The following MIAT variants were observed in gnomAD, a reference collection of about 807,000 sequenced individuals.
MIAT encodes the protein MI related novel mRNA.
In MIAT at chr22:26,654,596, G is replaced by A. The variant is rs957332205; in HGVS notation, n.646+7285G>A. 2.6e-5 allele frequency among the ~76,000 whole-genome samples: 4 copies of A among 152,302 alleles called. No individual in the cohort carries two copies. The East Asian group carries it at 7.7e-4, about 29-fold the overall frequency. On this transcript the variant is annotated intron_variant and non_coding_transcript_variant, in intron 2 of 5. Transcript: ENST00000643270. The stretch of plus-strand genomic sequence containing the variant: ...GACCTGTGTGATGACAAAAGCTCAG[G>A]CAGGAGGATCCCTTGAACCTAAGAG...
rs1249204451 is a variant in MIAT at position 26,652,129 on chromosome 22, G to A, written n.646+4818G>A. On this transcript the variant is annotated intron_variant and non_coding_transcript_variant, in intron 2 of 5. Coordinates refer to ENST00000643270, the Ensembl canonical transcript of MIAT. ...TTTGCTCAGCCGTCCACGTAGCTGG[G>A]ACCACAGGCACACACTACCATGCCT... Among the ~76,000 whole-genome samples, 7 of 152,276 alleles carry A rather than the reference G, an allele frequency of 4.6e-5. No homozygotes were observed. The East Asian group carries it at 1.4e-3, about 29-fold the overall frequency.
At chr22:26,673,100 C>G (rs1260028087), downstream of MIAT, 3 of 398,558 alleles carry the variant, frequency 7.5e-6, no homozygotes, top group East Asian at 3.6e-5. Context: ...GGGGAAGCAG[C>G]TTTACCCCGG....
rs996550911 is a variant in MIAT at position 26,676,081 on chromosome 22, A to G, written n.9749A>G. The G allele has an allele frequency of 8.5e-5, 34 of 398,426 alleles. No individual in the cohort carries two copies. In the Admixed American group the frequency reaches 1.5e-3, roughly 18 times the overall value. The allele number at this position is 398,426 out of a possible 1,614,324, so 24.7% of individuals were successfully genotyped here. ...TATGAGCAGGATCTTAGAGCTGAGG[A>G]ATTGGCCTCCCAATCCGAACAGGTG... On this transcript the variant is annotated non_coding_transcript_exon_variant, in exon 5 of 5. Coordinates refer to the MIAT transcript ENST00000613780.
downstream of MIAT, chr22:26,673,167 C>G: frequency 2.5e-6 from 1 of 398,664 alleles, no homozygotes; most frequent in Non-Finnish European, 4.4e-6. Flanking sequence ...CAGGGGCTCA[C>G]AGGGTTCCCG....
chr22:26,672,507 C>G (rs1438401893), downstream of MIAT: 1 of 399,336 alleles, frequency 2.5e-6, no homozygotes. Flanking sequence ...TAGGTGGGAC[C>G]AGGGAAATCT....
At chr22:26,661,901 T>C (rs948049482) in intron 2 of MIAT, among the ~76,000 whole-genome samples, 1 of 143,020 alleles carries the variant, frequency 7.0e-6, no homozygotes, top group South Asian at 2.2e-4. Context: ...CATATATATA[T>C]GGATCTATAT....
downstream of MIAT, chr22:26,673,456 C>T: frequency 2.5e-6 from 1 of 398,938 alleles, no homozygotes; most frequent in Non-Finnish European, 4.4e-6. Flanking sequence ...GGGTTCCAGG[C>T]TCCTGGCCTG....
downstream of MIAT, chr22:26,672,630 G>A (rs1892398236): frequency 1.5e-5 from 6 of 399,164 alleles, no homozygotes; most frequent in African/African-American, 2.1e-5. Context: ...TTAAGTGACG[G>A]GGATAGAAGC....
intron 2 of MIAT, among the ~76,000 whole-genome samples, chr22:26,661,193 T>G (rs1930650064): frequency 6.6e-6 from 1 of 152,198 alleles, no homozygotes. Flanking sequence ...GAATAACTTG[T>G]AGGCCAGTCT....
intron 2 of MIAT, among the ~76,000 whole-genome samples, chr22:26,653,422 C>T (rs1930372944): frequency 6.6e-6 from 1 of 152,172 alleles, no homozygotes; most frequent in African/African-American, 2.4e-5. Flanking sequence ...CACCTCCCCA[C>T]TGCTTGCCTT....
chr22:26,650,351 TTTG>T (rs1431384794), intron 2 of MIAT: 1 of 152,214 alleles, frequency 6.6e-6, no homozygotes, highest in Non-Finnish European at 1.5e-5. Flanking sequence ...CCTTAAGTTG[TTTG>T]TTAAGACACC....
downstream of MIAT, chr22:26,672,236 C>T: frequency 5.0e-6 from 2 of 399,170 alleles, no homozygotes; most frequent in Non-Finnish European, 8.8e-6. Context: ...CCCAGCCCTG[C>T]CGAGCTCTGG....
At chr22:26,674,537 G>T (rs138519775), downstream of MIAT, 269 of 398,826 alleles carry the variant, frequency 6.7e-4, 2 homozygotes, top group East Asian at 9.3e-3. Context: ...GTCTGGTGCT[G>T]AGAGCCCTTT....
intron 2 of MIAT, among the ~76,000 whole-genome samples, chr22:26,655,752 G>C (rs555440622): frequency 7.2e-5 from 11 of 152,180 alleles, no homozygotes; most frequent in Non-Finnish European, 1.2e-4. Flanking sequence ...AGAATTCCTT[G>C]GTGGGCTTAC....
At chr22:26,653,158 G>C (rs1455681187) in intron 2 of MIAT, among the ~76,000 whole-genome samples, 2 of 152,166 alleles carry the variant, frequency 1.3e-5, no homozygotes, top group Non-Finnish European at 2.9e-5. Context: ...TCAACAGATG[G>C]GCAAAATGAG....
intron 2 of MIAT, chr22:26,647,373 T>C (rs1038191638): frequency 9.2e-5 from 2 of 21,808 alleles, no homozygotes; most frequent in African/African-American, 8.8e-4. Flanking sequence ...ACGTGGGGGG[T>C]GGAGAGAGAG....
exon 1 of MIAT, chr22:26,646,884 T>C (rs925463284): frequency 5.0e-6 from 2 of 398,430 alleles, no homozygotes; most frequent in Non-Finnish European, 8.8e-6. Flanking sequence ...TAGAGACAGG[T>C]AGATAGGATC....
chr22:26,673,850 G>A (rs1931160877), downstream of MIAT: 1 of 398,548 alleles, frequency 2.5e-6, no homozygotes, highest in Non-Finnish European at 4.4e-6. Context: ...TACCCACCAA[G>A]GTGGGGTCAG....
At chr22:26,674,225 A>G (rs1931176305), downstream of MIAT, 2 of 398,682 alleles carry the variant, frequency 5.0e-6, 1 homozygote, top group East Asian at 7.1e-5. Flanking sequence ...CTCTTCTAGC[A>G]TAAACTCTTC....
Sources: gnomAD v4.1 joint callset for allele counts (sites outside exome capture counted in the v4.1 genomes callset) on GRCh38, gnomAD v4.1.1 for gene constraint, MANE v1.5 for transcripts, NCBI Gene and HGNC (gene_info 2026-07-23, HGNC 2026-07-21) for gene names.